LYPLAL1: variants seen among roughly 807,000 people sequenced by gnomAD.
The protein encoded by LYPLAL1 is lysophospholipase like 1, also known as lysophospholipase-like protein 1.
A neutral mutation model predicts 19.7 loss-of-function variants in LYPLAL1; 23 were observed. The observed-to-expected ratio is 1.17, with a 90% CI of 0.84 to 1.65. The LOEUF (loss-of-function observed/expected upper bound fraction) is 1.65, where lower values mean the gene tolerates loss of function less well. Among genes scored for constraint, LYPLAL1 ranks in the 40% most tolerant of loss-of-function variants. The pLI, the probability that LYPLAL1 is intolerant of heterozygous loss-of-function variation, is 0.00. For synonymous variants in LYPLAL1, 119 were observed against 96.3 expected, an observed-to-expected ratio of 1.24 and a Z score of -1.38; for missense variants, 355 against 279.4, an observed-to-expected ratio of 1.27 and a Z score of -1.93.
chr1:219,299,689 A>G, the LYPLAL1 span, among the ~76,000 whole-genome samples: 1 of 152,196 alleles, frequency 6.6e-6, no homozygotes, highest in Non-Finnish European at 1.5e-5. Context: ...TTGCCCTTTC[A>G]TGAGCTGGCC....
the LYPLAL1 span, among the ~76,000 whole-genome samples, chr1:219,342,469 G>T: frequency 3.2e-4 from 48 of 152,184 alleles, no homozygotes; most frequent in Admixed American, 2.9e-3. Flanking sequence ...ACAAGGAAGT[G>T]CTGATGCTCT....
intron 2 of LYPLAL1, among the ~76,000 whole-genome samples, chr1:219,189,286 AC>A (rs1449947550): frequency 6.6e-6 from 1 of 151,706 alleles, no homozygotes; most frequent in African/African-American, 2.4e-5. Context: ...GGGAAGTAGA[AC>A]AATTCAGAAG....
the LYPLAL1 span, among the ~76,000 whole-genome samples, chr1:219,394,530 T>A: frequency 6.6e-6 from 1 of 152,344 alleles, no homozygotes; most frequent in Non-Finnish European, 1.5e-5. Context: ...TTCTACTTTC[T>A]GTCTCTGTGA....
chr1:219,210,630 G>A lies in LYPLAL1; in HGVS notation c.460G>A (p.Ala154Thr), dbSNP rs201849055. ...VFALSSFLNK[A>T]SAVYQALQKS... is the part of the protein sequence containing the mutation. ...TGCTCTTTCTAGTTTTCTGAATAAA[G>A]CATCTGCTGTTTACCAGGTAAGTTC... The change falls in exon 4 of 5, where the codon GCA (alanine) becomes ACA (threonine). Residue 154 changes from alanine (A) to threonine (T), a missense_variant. Physicochemically the swap from Ala to Thr is moderately conservative, Grantham distance 58 (BLOSUM62 0). Coordinates refer to ENST00000366928, the MANE Select transcript of LYPLAL1 (RefSeq NM_138794.5). The A allele has an allele frequency of 2.4e-5, 39 of 1,607,600 alleles. No homozygotes were observed. In the African/African-American group the frequency reaches 3.5e-4, roughly 14 times the overall value.
chr1:219,334,687 A>G, the LYPLAL1 span, among the ~76,000 whole-genome samples: 1 of 152,000 alleles, frequency 6.6e-6, no homozygotes, highest in Non-Finnish European at 1.5e-5. Context: ...AGTATGAAAT[A>G]GATTCCCAGT....
intron 3 of LYPLAL1, among the ~76,000 whole-genome samples, chr1:219,199,238 C>T (rs1309174837): frequency 1.3e-5 from 2 of 152,080 alleles, no homozygotes; most frequent in African/African-American, 4.8e-5. Flanking sequence ...GTTAGAAACT[C>T]CTCTTTTGTA....
the LYPLAL1 span, among the ~76,000 whole-genome samples, chr1:219,252,124 A>G: frequency 2.0e-4 from 30 of 152,064 alleles, no homozygotes; most frequent in African/African-American, 6.5e-4. Flanking sequence ...TGATTTTTGC[A>G]TATTGATTTT....
chr1:219,314,863 T>C, the LYPLAL1 span, among the ~76,000 whole-genome samples: 1 of 152,220 alleles, frequency 6.6e-6, no homozygotes, highest in Non-Finnish European at 1.5e-5. Context: ...GAATCTTCGT[T>C]TTAACAAATA....
chr1:219,344,412 T>C, the LYPLAL1 span, among the ~76,000 whole-genome samples: 2 of 152,232 alleles, frequency 1.3e-5, no homozygotes, highest in Admixed American at 6.5e-5. Flanking sequence ...ACTTACTGTT[T>C]GTCCTCCTCC....
chr1:219,298,854 C>T, the LYPLAL1 span, among the ~76,000 whole-genome samples: 59 of 152,268 alleles, frequency 3.9e-4, no homozygotes, highest in African/African-American at 1.4e-3. Context: ...GAATTTTTAT[C>T]TGGAAGAGTA....
the LYPLAL1 span, among the ~76,000 whole-genome samples, chr1:219,361,961 C>T: frequency 1.3e-5 from 2 of 152,104 alleles, no homozygotes; most frequent in Non-Finnish European, 2.9e-5. Flanking sequence ...GCATGCTTGG[C>T]TTTGTCCCCC....
chr1:219,423,945 TC>T, the LYPLAL1 span, among the ~76,000 whole-genome samples: 2 of 151,228 alleles, frequency 1.3e-5, no homozygotes, highest in Non-Finnish European at 2.9e-5. Flanking sequence ...TATATACCAT[TC>T]TTTATTATGT....
the LYPLAL1 span, among the ~76,000 whole-genome samples, chr1:219,240,685 T>C: frequency 6.6e-6 from 1 of 152,182 alleles, no homozygotes; most frequent in African/African-American, 2.4e-5. Context: ...TCTTTTTCAA[T>C]AAAATTGTTT....
the LYPLAL1 span, among the ~76,000 whole-genome samples, chr1:219,401,249 A>G: frequency 3.3e-5 from 5 of 151,842 alleles, no homozygotes; most frequent in African/African-American, 1.2e-4. Context: ...AAAACTTACA[A>G]ATAAATGATA....
At chr1:219,404,996 C>G in the LYPLAL1 span, among the ~76,000 whole-genome samples, 1 of 152,178 alleles carries the variant, frequency 6.6e-6, no homozygotes, top group Non-Finnish European at 1.5e-5. Context: ...GAAAAAAATG[C>G]ATAGATAGTA....
At chr1:219,367,912 G>A in the LYPLAL1 span, among the ~76,000 whole-genome samples, 1 of 149,362 alleles carries the variant, frequency 6.7e-6, no homozygotes, top group Non-Finnish European at 1.5e-5. Flanking sequence ...GACAAAAATG[G>A]TTAAGAACCT....
At chr1:219,282,793 A>G in the LYPLAL1 span, among the ~76,000 whole-genome samples, 4 of 152,194 alleles carry the variant, frequency 2.6e-5, no homozygotes, top group African/African-American at 4.8e-5. Flanking sequence ...TGTCAGAAAT[A>G]TAAGTGCTTT....
At chr1:219,343,867 CT>C in the LYPLAL1 span, among the ~76,000 whole-genome samples, 62,694 of 151,550 alleles carry the variant, frequency 0.41, 13,616 homozygotes, top group East Asian at 0.84. Flanking sequence ...CCAACCATTC[CT>C]TTTTTTTTCT....
At chr1:219,365,202 G>C in the LYPLAL1 span, among the ~76,000 whole-genome samples, 1 of 152,102 alleles carries the variant, frequency 6.6e-6, no homozygotes, top group Non-Finnish European at 1.5e-5. Flanking sequence ...GGTGATTCTA[G>C]AATCTTTTTT....
Sources: allele counts gnomAD v4.1 joint callset (sites outside exome capture counted in the v4.1 genomes callset), GRCh38; gene constraint gnomAD v4.1.1; transcripts MANE v1.5; gene names NCBI Gene and HGNC (gene_info 2026-07-23, HGNC 2026-07-21).